Variants in FARP2 observed in about 807,000 individuals in gnomAD.
FARP2 encodes the protein FERM, ARHGEF and pleckstrin domain-containing protein 2.
FARP2 carries 111 observed loss-of-function variants against 130.5 expected under a neutral mutation model. That is an observed-to-expected ratio of 0.85 (90% CI 0.73 to 1.00). The LOEUF (loss-of-function observed/expected upper bound fraction) is 1.00. Ranked by LOEUF, FARP2 falls within the 50% of genes least tolerant of loss-of-function variation. The pLI, the probability that FARP2 is intolerant of heterozygous loss-of-function variation, is 0.00. For synonymous variants in FARP2, 504 were observed against 516.9 expected (o/e 0.98, Z 0.34); for missense variants, 1,385 against 1,346.3 (o/e 1.03, Z -0.45).
At chr2:241,448,783 T>C (rs924358423) in intron 13 of FARP2, among the ~76,000 whole-genome samples, 4 of 152,244 alleles carry the variant, frequency 2.6e-5, no homozygotes, top group Non-Finnish European at 5.9e-5. Flanking sequence ...GTCTGAACCA[T>C]GGGAGAGCAG....
At position 241,449,032 on chromosome 2, in the gene FARP2, C is replaced by T. The variant is rs564595517; in HGVS notation, c.1411+7476C>T. 7.0e-4 allele frequency among the ~76,000 whole-genome samples: 107 copies of T among 152,316 alleles called. 1 individual carries two copies. The highest frequency in any genetic ancestry group is 3.4e-3 in the Middle Eastern group (1 of 294). On this transcript the variant is annotated intron_variant, in intron 13 of 26. Coordinates refer to ENST00000264042, the MANE Select transcript of FARP2 (RefSeq NM_014808.4). ...TATCTCCCGCTTGTATTCTTTGAGC[C>T]AGATTTTGTGTAAGATCCACTCATG...
At position 241,370,844 on chromosome 2, in the gene FARP2, G is replaced by A. The variant is rs183807412; in HGVS notation, c.-24-2240G>A. ...AGTAAATACTTAGCAAATGTTTACA[G>A]TAAGAATTTAGTTCCTTCCCTCAAG... On this transcript the variant is annotated intron_variant, in intron 1 of 26. Coordinates refer to ENST00000264042, the MANE Select transcript of FARP2 (RefSeq NM_014808.4). Among the ~76,000 whole-genome samples, 13 of 152,304 alleles carry A rather than the reference G, an allele frequency of 8.5e-5. No homozygotes were observed. In the East Asian group the frequency reaches 1.2e-3, roughly 14 times the overall value.
chr2:241,465,828 C>A, intron 17 of FARP2: 1 of 1,542,382 alleles, frequency 6.5e-7, no homozygotes, highest in Non-Finnish European at 8.7e-7. Flanking sequence ...CTGGCCACTC[C>A]TCACACCTAG....
At chr2:241,466,421 G>GGTCC in intron 17 of FARP2, 1 of 985,408 alleles carries the variant, frequency 1.0e-6, no homozygotes, top group East Asian at 1.1e-4. Context: ...GGTGGGCACT[G>GGTCC]GTCCTCAGCA....
chr2:241,432,186 A>G (rs776298757), intron 9 of FARP2: 4 of 153,478 alleles, frequency 2.6e-5, no homozygotes, highest in African/African-American at 7.2e-5. Context: ...CTGCTAAAAC[A>G]TAATTACTTT....
intron 12 of FARP2, among the ~76,000 whole-genome samples, chr2:241,437,663 TTTATTTA>T (rs1235978209): frequency 2.1e-5 from 3 of 140,966 alleles, no homozygotes; most frequent in Admixed American, 8.3e-5. Context: ...TATTTATTTA[TTTATTTA>T]TTTTTTTTTT....
chr2:241,360,406 C>T (rs1236603598), intron 1 of FARP2, among the ~76,000 whole-genome samples: 2 of 151,916 alleles, frequency 1.3e-5, no homozygotes, highest in Non-Finnish European at 1.5e-5. Context: ...TTTGGGAGGC[C>T]GAGGTGGGTG....
At position 241,491,536 on chromosome 2, in the gene FARP2, C is replaced by T; in HGVS notation, c.2644C>T (p.Leu882=). Residue 882 remains leucine, a synonymous_variant, in exon 24 of 27, where the codon CTG becomes TTG. Coordinates refer to ENST00000264042, the MANE Select transcript of FARP2 (RefSeq NM_014808.4). ...CCCAGGATCCCCCAACGAGGTATCT[C>T]TGGAGCAGGAGTCAGAAGATGATGC... ...RPPRSPNEVS[L]EQESEDDARG... The T allele has an allele frequency of 6.2e-7, 1 of 1,613,590 alleles. No homozygotes were observed. The highest frequency in any genetic ancestry group is 8.5e-7 in the Non-Finnish European group (1 of 1,179,864).
chr2:241,453,066 A>ATT (rs2063709239), intron 13 of FARP2, among the ~76,000 whole-genome samples: 6 of 152,128 alleles, frequency 3.9e-5, no homozygotes, highest in Admixed American at 6.6e-5. Context: ...GCGGTGGCTC[A>ATT]CACCTGTAAT....
At chr2:241,427,001 A>G (rs571483855) in intron 8 of FARP2, among the ~76,000 whole-genome samples, 1 of 152,308 alleles carries the variant, frequency 6.6e-6, no homozygotes, top group South Asian at 2.1e-4. Flanking sequence ...TTGGGAGGCC[A>G]AGGCTGGTAG....
intron 18 of FARP2, among the ~76,000 whole-genome samples, chr2:241,474,066 G>C (rs1274223917): frequency 6.6e-6 from 1 of 152,066 alleles, no homozygotes; most frequent in African/African-American, 2.4e-5. Flanking sequence ...TAGCACTTTG[G>C]GAGGCCGAGG....
intron 2 of FARP2, among the ~76,000 whole-genome samples, chr2:241,374,635 A>AG (rs1415863483): frequency 6.6e-6 from 1 of 152,204 alleles, no homozygotes; most frequent in Non-Finnish European, 1.5e-5. Context: ...TGAAGCTCTG[A>AG]GCAAGGTGGT....
intron 2 of FARP2, among the ~76,000 whole-genome samples, chr2:241,390,978 A>G (rs1313808021): frequency 1.3e-5 from 2 of 152,224 alleles, no homozygotes; most frequent in Non-Finnish European, 2.9e-5. Flanking sequence ...TGAAAATGAC[A>G]GCCACCTGGC....
intron 21 of FARP2, chr2:241,489,246 C>T (rs181839382): frequency 1.3e-5 from 2 of 152,326 alleles, no homozygotes; most frequent in East Asian, 1.9e-4. Context: ...AACTGGCCCT[C>T]GTTCCTGACT....
intron 14 of FARP2, among the ~76,000 whole-genome samples, chr2:241,457,551 C>T (rs113675823): frequency 1.0e-3 from 99 of 97,562 alleles, no homozygotes; most frequent in Middle Eastern, 6.5e-3. Flanking sequence ...CACTAGGGAC[C>T]GCTTTGGGTT....
chr2:241,360,605 T>C (rs971344634), intron 1 of FARP2, among the ~76,000 whole-genome samples: 2 of 142,500 alleles, frequency 1.4e-5, no homozygotes, highest in African/African-American at 5.3e-5. Flanking sequence ...ACCCGAGAGG[T>C]GGAGGTTGCA....
At chr2:241,413,916 T>G (rs2062594449) in intron 7 of FARP2, among the ~76,000 whole-genome samples, 1 of 146,770 alleles carries the variant, frequency 6.8e-6, no homozygotes, top group African/African-American at 2.5e-5. Flanking sequence ...CACTCCAGCC[T>G]GGCACCAGAG....
At position 241,441,454 on chromosome 2, in the gene FARP2, G is replaced by A. The variant is rs754112585; in HGVS notation, c.1309G>A (p.Val437Ile). 24 of 1,614,090 alleles carry A rather than the reference G, an allele frequency of 1.5e-5. No individual in the cohort carries two copies. The Middle Eastern group carries it at 4.9e-4, about 33-fold the overall frequency. The change falls in exon 13 of 27, where the codon GTC becomes ATC. Residue 437 changes from valine to isoleucine, a missense_variant. Physicochemically the swap from Val to Ile is conservative, Grantham distance 29. Transcript: ENST00000264042. ...SSLTDPQVSY[V>I]KSPAAERRSG... ...CCTCACAGATCCCCAGGTTTCCTAC[G>A]TCAAGAGTCCAGCTGCAGAGAGGCG...
chr2:241,455,385 TTTTG>T (rs2063802939), intron 13 of FARP2, among the ~76,000 whole-genome samples: 1 of 152,192 alleles, frequency 6.6e-6, no homozygotes, highest in Non-Finnish European at 1.5e-5. Context: ...TCTTTGATAG[TTTTG>T]TTTGTTTTGA....
Sources: gnomAD v4.1 joint callset for allele counts (sites outside exome capture counted in the v4.1 genomes callset) on GRCh38, gnomAD v4.1.1 for gene constraint, MANE v1.5 for transcripts, NCBI Gene and HGNC (gene_info 2026-07-23, HGNC 2026-07-21) for gene names.